The following SLC24A2 variants were observed in gnomAD, a reference collection of about 807,000 sequenced individuals.
SLC24A2 encodes sodium/potassium/calcium exchanger 2.
SLC24A2 carries 36 observed loss-of-function variants against 62.0 expected under a neutral mutation model. The observed-to-expected ratio is 0.58, with a 90% CI of 0.44 to 0.77. The LOEUF (loss-of-function observed/expected upper bound fraction) is 0.77, where lower values mean the gene tolerates loss of function less well. Among genes scored for constraint, SLC24A2 ranks in the 30% least tolerant of loss-of-function variants. The pLI is 0.00. For synonymous variants in SLC24A2, 358 were observed against 294.0 expected (o/e 1.22, Z -2.23); for missense variants, 846 against 817.9 (o/e 1.03, Z -0.42).
chr9:19,814,954 G>T, the SLC24A2 span, among the ~76,000 whole-genome samples: 123 of 152,272 alleles, frequency 8.1e-4, no homozygotes, highest in Admixed American at 1.6e-3. Context: ...GGAAAATGTG[G>T]TCTTGAAATT....
chr9:19,719,686 G>C (rs1270483671), intron 2 of SLC24A2, among the ~76,000 whole-genome samples: 1 of 152,310 alleles, frequency 6.6e-6, no homozygotes, highest in Middle Eastern at 3.4e-3. Context: ...GTACTTACAA[G>C]AATATCAGCA....
chr9:19,865,922 T>C, the SLC24A2 span, among the ~76,000 whole-genome samples: 1 of 152,114 alleles, frequency 6.6e-6, no homozygotes, highest in Non-Finnish European at 1.5e-5. Flanking sequence ...ACCCACAGAA[T>C]GGGAGACAAT....
intron 6 of SLC24A2, 25 bp downstream of exon 6, chr9:19,576,898 TG>T: frequency 6.5e-7 from 1 of 1,548,050 alleles, no homozygotes; most frequent in Non-Finnish European, 8.9e-7. Flanking sequence ...AGGAAAGGTA[TG>T]GGGTGGATGT....
intron 2 of SLC24A2, among the ~76,000 whole-genome samples, chr9:19,770,665 T>C (rs1822659346): frequency 6.6e-6 from 1 of 152,186 alleles, no homozygotes; most frequent in African/African-American, 2.4e-5. Flanking sequence ...ACTTGTAAAA[T>C]ATTGGAGCAT....
chr9:19,626,078 C>T (rs1818027471), intron 2 of SLC24A2, among the ~76,000 whole-genome samples: 1 of 152,160 alleles, frequency 6.6e-6, no homozygotes, highest in Admixed American at 6.6e-5. Context: ...TAATAAAATG[C>T]ATAGCCCATT....
the SLC24A2 span, among the ~76,000 whole-genome samples, chr9:19,905,762 T>G: frequency 4.6e-5 from 7 of 152,126 alleles, no homozygotes; most frequent in African/African-American, 1.4e-4. Context: ...CCTCTTAGGT[T>G]TAGTTCCTGA....
chr9:20,148,420 C>G, the SLC24A2 span, among the ~76,000 whole-genome samples: 2 of 152,192 alleles, frequency 1.3e-5, no homozygotes, highest in Non-Finnish European at 2.9e-5. Flanking sequence ...TAAAACGCTT[C>G]TGTACCTTTG....
the SLC24A2 span, among the ~76,000 whole-genome samples, chr9:20,252,956 A>T: frequency 6.6e-6 from 1 of 152,168 alleles, no homozygotes; most frequent in Non-Finnish European, 1.5e-5. Context: ...TTCCAATGGG[A>T]TCATTAGTTA....
rs776666028 is a variant in SLC24A2, at chr9:19,786,712, A to G, written c.155T>C (p.Val52Ala). The change falls in exon 2 of 11, where the codon GTC (valine) becomes GCC (alanine). Residue 52 changes from valine to alanine, a missense_variant. Val to Ala is a moderately conservative substitution (Grantham distance 64, BLOSUM62 0). Transcript: ENST00000341998. This position sits in a 1 kb window ranked among gnomAD's most constrained non-coding sequence, Gnocchi z 5.0. ...LFMGLVAISTVSFSISAFSET... is the reference protein window; with the variant it reads ...LFMGLVAISTASFSISAFSET... ...AGAAAAGGCACTGATTGAAAATGAG[A>G]CAGTGCTAATGGCTACCAGACCCAT... 6 of 1,611,212 alleles carry G rather than the reference A, an allele frequency of 3.7e-6. No homozygotes were observed. Among genetic ancestry groups the G allele is most frequent in the African/African-American group, 1.3e-5 (1 of 74,898 alleles).
At chr9:20,222,152 T>C in the SLC24A2 span, among the ~76,000 whole-genome samples, 1 of 151,872 alleles carries the variant, frequency 6.6e-6, no homozygotes, top group Admixed American at 6.6e-5. Flanking sequence ...AAATGTATGG[T>C]TAAATATTTT....
At chr9:20,261,407 T>C in the SLC24A2 span, among the ~76,000 whole-genome samples, 6 of 152,162 alleles carry the variant, frequency 3.9e-5, no homozygotes, top group African/African-American at 1.2e-4. Context: ...AAAGGGAGGA[T>C]AGGCCAGCAA....
At chr9:19,920,323 G>C in the SLC24A2 span, among the ~76,000 whole-genome samples, 10 of 152,260 alleles carry the variant, frequency 6.6e-5, no homozygotes, top group African/African-American at 2.4e-4. Context: ...ATGAAACGGA[G>C]TTAGTTTTTG....
chr9:20,173,134 C>T, the SLC24A2 span, among the ~76,000 whole-genome samples: 1 of 151,926 alleles, frequency 6.6e-6, no homozygotes, highest in African/African-American at 2.4e-5. Flanking sequence ...ATCCAGCAAC[C>T]CTTTATGATT....
In SLC24A2 at chr9:19,576,923, C is replaced by G; in HGVS notation, c.1228+1G>C. On this transcript the variant is annotated splice_donor_variant, in intron 6 of 10. Transcript: ENST00000341998. LOFTEE classifies it high-confidence loss of function. ...TGGGGTGGATGTTTCCCTGCACTCA[C>G]CCACGTGGTTGGCAGCCCCATTCTG... 6.2e-7 allele frequency: 1 copy of G among 1,608,850 alleles called. No homozygotes were observed. The highest frequency in any genetic ancestry group is 8.5e-7 in the Non-Finnish European group (1 of 1,175,104).
intron 5 of SLC24A2, among the ~76,000 whole-genome samples, chr9:19,580,310 G>C (rs1290670770): frequency 2.0e-5 from 3 of 152,270 alleles, no homozygotes; most frequent in Admixed American, 6.5e-5. Context: ...TTAAAGATTA[G>C]TTTCTAGAAA....
At chr9:19,951,229 TG>T in the SLC24A2 span, among the ~76,000 whole-genome samples, 1 of 62,540 alleles carries the variant, frequency 1.6e-5, no homozygotes, top group African/African-American at 5.6e-5. Context: ...TCTTAAGTTG[TG>T]TGTGTGTGTG....
chr9:19,967,027 C>T, the SLC24A2 span, among the ~76,000 whole-genome samples: 2 of 152,164 alleles, frequency 1.3e-5, no homozygotes, highest in South Asian at 2.1e-4. Flanking sequence ...TTAGCACATA[C>T]ACATTTATTT....
At chr9:20,107,324 C>T in the SLC24A2 span, among the ~76,000 whole-genome samples, 2 of 151,604 alleles carry the variant, frequency 1.3e-5, no homozygotes, top group African/African-American at 2.4e-5. Context: ...TGACTTTCTT[C>T]ACAGAATTGG....
chr9:20,240,018 G>T, the SLC24A2 span, among the ~76,000 whole-genome samples: 1 of 152,164 alleles, frequency 6.6e-6, no homozygotes, highest in Middle Eastern at 3.4e-3. Flanking sequence ...TAGCAGTAGA[G>T]ACTAGGCTAA....
Sources: allele counts gnomAD v4.1 joint callset (sites outside exome capture counted in the v4.1 genomes callset), GRCh38; gene constraint gnomAD v4.1.1; non-coding constraint Gnocchi (gnomAD v3.1); transcripts MANE v1.5; gene names NCBI Gene and HGNC (gene_info 2026-07-23, HGNC 2026-07-21).